Variants in NPAS3 observed in about 807,000 individuals in gnomAD.
NPAS3 encodes neuronal PAS domain protein 3, also known as neuronal PAS domain-containing protein 3.
A neutral mutation model predicts 73.1 loss-of-function variants in NPAS3; 14 were observed. That is an observed-to-expected ratio of 0.19 (90% CI 0.13 to 0.30). The LOEUF (loss-of-function observed/expected upper bound fraction) is 0.30, where lower values mean the gene tolerates loss of function less well. Ranked by LOEUF, NPAS3 falls within the 10% of genes least tolerant of loss-of-function variation. The pLI is 1.00. For synonymous variants in NPAS3, 620 were observed against 541.5 expected (o/e 1.14, Z -2.01); for missense variants, 1,096 against 1,250.0 (o/e 0.88, Z 1.86).
intron 3 of NPAS3, among the ~76,000 whole-genome samples, chr14:33,276,238 C>T (rs1490072415): frequency 1.3e-5 from 2 of 152,046 alleles, no homozygotes; most frequent in African/African-American, 2.4e-5. Context: ...AAGTGTTAAA[C>T]GTACTTACAA....
At chr14:33,129,048 A>T (rs2043538891) in intron 2 of NPAS3, among the ~76,000 whole-genome samples, 1 of 151,940 alleles carries the variant, frequency 6.6e-6, no homozygotes, top group Admixed American at 6.6e-5. Flanking sequence ...TGTAACCTGG[A>T]GAAAAGCCCC....
chr14:33,286,024 G>T (rs2140087231), intron 3 of NPAS3, among the ~76,000 whole-genome samples: 1 of 152,176 alleles, frequency 6.6e-6, no homozygotes, highest in Middle Eastern at 3.4e-3. Context: ...TTGTTAGTTT[G>T]TCTCCCCTCC....
At chr14:33,561,952 A>G (rs1373910906) in intron 5 of NPAS3, among the ~76,000 whole-genome samples, 1 of 152,234 alleles carries the variant, frequency 6.6e-6, no homozygotes, top group Non-Finnish European at 1.5e-5. Context: ...TGCATAACAG[A>G]TGGCTCTGTA....
chr14:33,363,516 A>G (rs922583026), intron 3 of NPAS3, among the ~76,000 whole-genome samples: 1 of 152,214 alleles, frequency 6.6e-6, no homozygotes, highest in Non-Finnish European at 1.5e-5. Context: ...TTAAAAAACC[A>G]ATAAACCCTT....
chr14:33,769,744 G>A (rs2062581024), intron 7 of NPAS3, among the ~76,000 whole-genome samples: 1 of 63,412 alleles, frequency 1.6e-5, no homozygotes, highest in South Asian at 5.2e-4. Context: ...GAAAGACTTG[G>A]ATTTTTTTTT....
chr14:33,770,133 G>T (rs1463734351), intron 7 of NPAS3, among the ~76,000 whole-genome samples: 3 of 152,116 alleles, frequency 2.0e-5, no homozygotes, highest in Non-Finnish European at 4.4e-5. Context: ...AGATTTAACA[G>T]GTCTCAGGTA....
chr14:32,955,290 C>T (rs921654795), intron 1 of NPAS3, among the ~76,000 whole-genome samples: 9 of 152,048 alleles, frequency 5.9e-5, no homozygotes, highest in East Asian at 1.9e-4. Flanking sequence ...TCGAAGTGTA[C>T]TCTAGTAAGT....
chr14:33,299,687 A>C (rs1273809945), intron 3 of NPAS3, among the ~76,000 whole-genome samples: 1 of 152,190 alleles, frequency 6.6e-6, no homozygotes, highest in Non-Finnish European at 1.5e-5. Flanking sequence ...TTAAATCAGA[A>C]GAGTTTGATG....
intron 5 of NPAS3, among the ~76,000 whole-genome samples, chr14:33,582,694 A>C (rs2056712650): frequency 6.6e-6 from 1 of 152,214 alleles, no homozygotes; most frequent in Non-Finnish European, 1.5e-5. Flanking sequence ...TCAGAAAGAA[A>C]TGCAAAGTTC....
At chr14:33,462,894 G>T (rs2050337609) in intron 4 of NPAS3, among the ~76,000 whole-genome samples, 1 of 152,116 alleles carries the variant, frequency 6.6e-6, no homozygotes, top group Admixed American at 6.5e-5. Context: ...AAAAGGGTGA[G>T]GATAAAATGA....
chr14:33,013,525 C>CTGTG (rs1308488023), intron 1 of NPAS3, among the ~76,000 whole-genome samples: 1 of 152,038 alleles, frequency 6.6e-6, no homozygotes, highest in Non-Finnish European at 1.5e-5. Flanking sequence ...AGACAAAAAC[C>CTGTG]TGTGACCTCA....
intron 2 of NPAS3, among the ~76,000 whole-genome samples, chr14:33,107,584 A>AT (rs776856454): frequency 3.3e-5 from 5 of 152,140 alleles, no homozygotes; most frequent in African/African-American, 4.8e-5. Flanking sequence ...AAAAGACACA[A>AT]TTTTATTCTA....
intron 2 of NPAS3, among the ~76,000 whole-genome samples, chr14:33,211,664 T>G (rs1374297405): frequency 6.6e-6 from 1 of 152,164 alleles, no homozygotes; most frequent in Non-Finnish European, 1.5e-5. Context: ...ATCTATATAT[T>G]TATATGCACA....
At position 33,175,068 on chromosome 14, in the gene NPAS3, AT is replaced by A. The variant is rs548666609; in HGVS notation, c.141-40106del. Among the ~76,000 whole-genome samples, 386 of 152,154 alleles carry A rather than the reference AT, an allele frequency of 2.5e-3. 1 individual carries two copies. The highest frequency in any genetic ancestry group is 6.8e-3 in the Middle Eastern group (2 of 294). On this transcript the variant is annotated intron_variant, in intron 2 of 11. Transcript: ENST00000356141. ...TGTAGATATGTCCTAAGAATACTGT[AT>A]TTTTTTTCTCTGATACTTACGCAAA...
chr14:33,221,400 G>T (rs2047422769), intron 3 of NPAS3, among the ~76,000 whole-genome samples: 2 of 152,276 alleles, frequency 1.3e-5, no homozygotes, highest in African/African-American at 4.8e-5. Flanking sequence ...ACATGAATCT[G>T]TAATTTAATT....
intron 2 of NPAS3, among the ~76,000 whole-genome samples, chr14:33,204,555 G>C (rs182214140): frequency 7.9e-5 from 12 of 152,146 alleles, no homozygotes; most frequent in Admixed American, 7.2e-4. Context: ...TTTCTCCTCC[G>C]TAAGAGCCTG....
chr14:33,537,234 A>G (rs923958101), intron 4 of NPAS3, among the ~76,000 whole-genome samples: 1 of 152,224 alleles, frequency 6.6e-6, no homozygotes, highest in African/African-American at 2.4e-5. Context: ...TTTTGCCTAC[A>G]TTAATACTTC....
chr14:33,318,789 A>G (rs2043314608), intron 3 of NPAS3, among the ~76,000 whole-genome samples: 1 of 152,172 alleles, frequency 6.6e-6, no homozygotes, highest in Non-Finnish European at 1.5e-5. Context: ...ACCAAATGAT[A>G]TCCTTCAAGT....
At chr14:33,332,485 G>A (rs1050175402) in intron 3 of NPAS3, among the ~76,000 whole-genome samples, 3 of 152,134 alleles carry the variant, frequency 2.0e-5, no homozygotes, top group African/African-American at 7.2e-5. Flanking sequence ...AATACATAGA[G>A]GACAGTGTGT....
Sources: gnomAD v4.1 joint callset for allele counts (sites outside exome capture counted in the v4.1 genomes callset) on GRCh38, gnomAD v4.1.1 for gene constraint, MANE v1.5 for transcripts, NCBI Gene and HGNC (gene_info 2026-07-23, HGNC 2026-07-21) for gene names.